Variants in KNSTRN observed in about 807,000 individuals in gnomAD.
The protein encoded by KNSTRN is kinetochore localized astrin (SPAG5) binding protein.
A neutral mutation model predicts 44.7 loss-of-function variants in KNSTRN; 38 were observed. The ratio of observed to expected loss-of-function variants is 0.85; its 90% CI spans 0.66 to 1.11. The LOEUF (loss-of-function observed/expected upper bound fraction) is 1.11. Ranked by LOEUF, KNSTRN falls within the 50% of genes most tolerant of loss-of-function variation. The pLI is 0.00. For synonymous variants in KNSTRN, 158 were observed against 148.1 expected, an observed-to-expected ratio of 1.07 and a Z score of -0.48; for missense variants, 406 against 375.8, an observed-to-expected ratio of 1.08 and a Z score of -0.66.
rs1163225303 is a variant in KNSTRN, at chr15:40,393,609, T to C, written c.*12T>C. On this transcript the variant is annotated 3_prime_UTR_variant, in exon 9 of 9. Transcript: ENST00000249776. ...TATTAGAAATGTAAGAAGAAGCAAG[T>C]GGCCAGATGGCTCCCTCTTGGGCAT... 3 of 1,611,578 alleles carry C rather than the reference T, an allele frequency of 1.9e-6. No homozygotes were observed. Among genetic ancestry groups the C allele is most frequent in the Non-Finnish European group, 2.5e-6 (3 of 1,178,824 alleles).
intron 2 of KNSTRN, 128 bp from the exon 3 acceptor site, chr15:40,386,233 AT>A (rs1356277446): frequency 9.7e-7 from 1 of 1,025,756 alleles, no homozygotes; most frequent in Non-Finnish European, 1.4e-6. Flanking sequence ...TCTCAAAAAA[AT>A]AAATAATACT....
At position 40,392,777 on chromosome 15, in the gene KNSTRN, A is replaced by G. The variant is rs572267167; in HGVS notation, c.823-692A>G. ...AGGCATTTGCGACCATGACCGGCTAATTTTTATATTTTTAGTAGAGACAGG... is the reference window on the plus strand; with the variant it reads ...AGGCATTTGCGACCATGACCGGCTAGTTTTTATATTTTTAGTAGAGACAGG... On this transcript the variant is annotated intron_variant, in intron 8 of 8. Transcript: ENST00000249776. 2.0e-5 allele frequency among the ~76,000 whole-genome samples: 3 copies of G among 152,102 alleles called. No individual in the cohort carries two copies. In the South Asian group the frequency reaches 6.2e-4, roughly 32 times the overall value.
Position 40,389,482 on chromosome 15 carries a change from A to G in KNSTRN, c.486-24A>G, listed in dbSNP as rs544330552. The G allele has an allele frequency of 7.6e-6, 12 of 1,570,498 alleles. No homozygotes were observed. The East Asian group carries it at 1.1e-4, about 15-fold the overall frequency. On this transcript the variant is annotated intron_variant, in intron 4 of 8. Coordinates refer to ENST00000249776, the MANE Select transcript of KNSTRN (RefSeq NM_033286.4). ...ATACTGTTAACCCTTTTATCTTTTC[A>G]TGTAAGTACAACTATTATTACAGCT...
chr15:40,388,681 C>T (rs1206077735), intron 4 of KNSTRN, among the ~76,000 whole-genome samples: 1 of 145,554 alleles, frequency 6.9e-6, no homozygotes, highest in Non-Finnish European at 1.5e-5. Context: ...GGCGACGGAG[C>T]GAGACTCCAT....
intron 4 of KNSTRN, among the ~76,000 whole-genome samples, chr15:40,388,002 T>C (rs1283539635): frequency 1.3e-5 from 2 of 152,136 alleles, no homozygotes; most frequent in African/African-American, 4.8e-5. Flanking sequence ...AGCAAGACTC[T>C]GACTTACAAA....
Position 40,383,306 on chromosome 15 carries a change from C to G in KNSTRN, c.288C>G (p.Ser96Arg). 6.2e-7 allele frequency: 1 copy of G among 1,611,658 alleles called. No individual in the cohort carries two copies. The highest frequency in any genetic ancestry group is 8.5e-7 in the Non-Finnish European group (1 of 1,178,520). Reference protein sequence around the residue: ...VYSLQPPSALSGGQPADTQTR... With the variant: ...VYSLQPPSALRGGQPADTQTR... ...GCCTGCAGCCCCCCTCTGCGCTGAG[C>G]GGCGGCCAGCCGGCAGGTGAGGGTC... The change falls in exon 2 of 9, where the codon AGC becomes AGG. Residue 96 changes from serine (S) to arginine (R), a missense_variant. By Grantham distance (110) the Ser-to-Arg change is moderately radical (BLOSUM62 -1). Coordinates refer to ENST00000249776, the MANE Select transcript of KNSTRN (RefSeq NM_033286.4).
chr15:40,388,530 C>A (rs1283072936), intron 4 of KNSTRN, among the ~76,000 whole-genome samples: 2 of 152,068 alleles, frequency 1.3e-5, no homozygotes, highest in South Asian at 2.1e-4. Flanking sequence ...ACCGTCTCTA[C>A]TAAAAATACA....
chr15:40,392,264 A>C (rs1890013384), intron 8 of KNSTRN, among the ~76,000 whole-genome samples: 1 of 151,824 alleles, frequency 6.6e-6, no homozygotes, highest in South Asian at 2.1e-4. Context: ...AACGTGTGCC[A>C]TGGTGGTTAG....
chr15:40,391,838 T>A, intron 7 of KNSTRN, 111 bp from the exon 8 acceptor site: 3 of 831,008 alleles, frequency 3.6e-6, no homozygotes, highest in Non-Finnish European at 5.8e-6. Context: ...TTTATCAAAT[T>A]TCTCTCCTGA....
Position 40,392,072 on chromosome 15 carries a change from T to C in KNSTRN, c.822+49T>C. On this transcript the variant is annotated intron_variant, in intron 8 of 8. Coordinates refer to ENST00000249776, the MANE Select transcript of KNSTRN (RefSeq NM_033286.4). ...CCATTTCCTACCATGATAGGTAGAT[T>C]TATAGTGGGGTCTTTTCTGTTTTTC... 5 of 1,142,178 alleles carry C rather than the reference T, an allele frequency of 4.4e-6. No individual in the cohort carries two copies. In the South Asian group the frequency reaches 6.4e-5, roughly 15 times the overall value. 70.8% of individuals were successfully genotyped at this position (1,142,178 alleles called of 1,614,324 possible). A position where few individuals can be genotyped will look rare whatever the true frequency, so the allele number is the denominator to read the frequency against.
chr15:40,393,289 GAC>G, intron 8 of KNSTRN, 178 bp from the exon 9 acceptor site: 1 of 1,611,478 alleles, frequency 6.2e-7, no homozygotes, highest in Non-Finnish European at 8.5e-7. Flanking sequence ...CTACTAGAGG[GAC>G]AATTCCTAAA....
intron 8 of KNSTRN, chr15:40,393,066 A>G (rs1890028894): frequency 1.2e-6 from 1 of 835,912 alleles, no homozygotes; most frequent in Non-Finnish European, 1.9e-6. Flanking sequence ...GCATGAGGCA[A>G]TGTGTAACAC....
chr15:40,389,963 G>A, intron 6 of KNSTRN, 34 bp downstream of exon 6: 2 of 1,553,400 alleles, frequency 1.3e-6, no homozygotes, highest in East Asian at 4.5e-5. Context: ...CTCCTTTGAA[G>A]GAATTGGTGC....
chr15:40,393,873 C>T lies in KNSTRN; in HGVS notation c.*276C>T. ...TAGGAGCTTGGATTGACCTTCTAGT[C>T]AACCACCTGACTTCAGCACACCATT... On this transcript the variant is annotated 3_prime_UTR_variant, in exon 9 of 9. Coordinates refer to ENST00000249776, the MANE Select transcript of KNSTRN (RefSeq NM_033286.4). The T allele has an allele frequency of 4.2e-6, 1 of 239,174 alleles. No homozygotes were observed. Among genetic ancestry groups the T allele is most frequent in the South Asian group, 6.2e-5 (1 of 16,126 alleles). 14.8% of individuals were successfully genotyped at this position (239,174 alleles called of 1,614,324 possible).
chr15:40,387,442 C>T (rs147173406), intron 4 of KNSTRN, among the ~76,000 whole-genome samples: 8 of 152,238 alleles, frequency 5.3e-5, no homozygotes, highest in Non-Finnish European at 8.8e-5. Context: ...TTGGACTCCA[C>T]GCCAGGACCA....
intron 3 of KNSTRN, 70 bp from the exon 4 acceptor site, chr15:40,387,089 T>G: frequency 8.7e-7 from 1 of 1,148,418 alleles, no homozygotes; most frequent in Non-Finnish European, 1.3e-6. Flanking sequence ...AGCTCTTTGT[T>G]CTGCCTGTTC....
chr15:40,388,158 A>G (rs1889933029), intron 4 of KNSTRN, among the ~76,000 whole-genome samples: 1 of 152,198 alleles, frequency 6.6e-6, no homozygotes. Flanking sequence ...ACACAGAAAT[A>G]TAGAGGTGTG....
rs762080819 is a variant in KNSTRN at position 40,382,948 on chromosome 15, C to G, written c.113C>G (p.Thr38Ser). The change falls in exon 1 of 9, where the codon ACC (threonine) becomes AGC (serine). Residue 38 changes from threonine to serine, a missense_variant. Transcript: ENST00000249776. ...AGCTACCGGAAGTTTCTATTTGAAA[C>G]CCAGGCGGCCGACTTAGCCGGTGGC... is the stretch of plus-strand genomic sequence containing the variant. ...PPSYRKFLFETQAADLAGGTT... is the reference protein window; with the variant it reads ...PPSYRKFLFESQAADLAGGTT... 6.2e-6 allele frequency: 10 copies of G among 1,612,292 alleles called. No individual in the cohort carries two copies. In the South Asian group the frequency reaches 1.1e-4, roughly 18 times the overall value.
rs561056222 is a variant in KNSTRN at position 40,390,044 on chromosome 15, A to G, written c.685+115A>G. The G allele has an allele frequency of 1.4e-5, 11 of 771,582 alleles. No individual in the cohort carries two copies. The East Asian group carries it at 2.5e-4, about 18-fold the overall frequency. The allele number at this position is 771,582 out of a possible 1,614,324, so 47.8% of individuals were successfully genotyped here. ...CCCAGTATGTGCAGGGGTTACTTTC[A>G]TAAAGCCCTAAAGATTTTGGAAAGC... On this transcript the variant is annotated intron_variant, in intron 6 of 8. Coordinates refer to ENST00000249776, the MANE Select transcript of KNSTRN (RefSeq NM_033286.4).
Sources: gnomAD v4.1 joint callset for allele counts (sites outside exome capture counted in the v4.1 genomes callset) on GRCh38, gnomAD v4.1.1 for gene constraint, MANE v1.5 for transcripts, NCBI Gene and HGNC (gene_info 2026-07-23, HGNC 2026-07-21) for gene names.